The following PHF2 variants were observed in gnomAD, a reference collection of about 807,000 sequenced individuals.
PHF2 encodes the protein lysine-specific demethylase PHF2.
Under a neutral mutation model 120.5 loss-of-function variants are expected in PHF2, and 27 were observed. That is an observed-to-expected ratio of 0.22 (90% CI 0.17 to 0.31). The LOEUF (loss-of-function observed/expected upper bound fraction) is 0.31, where lower values mean the gene tolerates loss of function less well. PHF2 is among the 10% of genes least tolerant of loss of function. PHF2 has a pLI of 1.00. For synonymous variants in PHF2, 568 were observed against 592.5 expected, an observed-to-expected ratio of 0.96 and a Z score of 0.60; for missense variants, 1,024 against 1,434.8, an observed-to-expected ratio of 0.71 and a Z score of 4.63.
intron 1 of PHF2, among the ~76,000 whole-genome samples, chr9:93,625,468 CTTTTTTTT>C (rs905164226): frequency 3.2e-5 from 3 of 94,714 alleles, no homozygotes; most frequent in Non-Finnish European, 5.9e-5. Context: ...GTTTGAGTAC[CTTTTTTTT>C]TTTTTTTTTT....
chr9:93,649,682 C>T (rs1042248230), intron 5 of PHF2, among the ~76,000 whole-genome samples: 1 of 122,512 alleles, frequency 8.2e-6, no homozygotes, highest in African/African-American at 2.7e-5. Flanking sequence ...CTCGTGGACA[C>T]ACTCATGACA....
chr9:93,616,354 T>TA (rs1825729198), intron 1 of PHF2, among the ~76,000 whole-genome samples: 1 of 152,182 alleles, frequency 6.6e-6, no homozygotes, highest in South Asian at 2.1e-4. Flanking sequence ...TTTTGATACA[T>TA]ACAGCTGGGG....
At chr9:93,601,936 G>T (rs952084196) in intron 1 of PHF2, among the ~76,000 whole-genome samples, 1 of 151,252 alleles carries the variant, frequency 6.6e-6, no homozygotes, top group African/African-American at 2.4e-5. Context: ...GAGTGCGGGG[G>T]TGGTAGGGTG....
Position 93,677,713 on chromosome 9 carries a change from A to T in PHF2, c.*37A>T. The T allele has an allele frequency of 6.6e-7, 1 of 1,518,462 alleles. No individual in the cohort carries two copies. Among genetic ancestry groups the T allele is most frequent in the Middle Eastern group, 1.7e-4 (1 of 5,862 alleles). 94.1% of individuals were successfully genotyped at this position (1,518,462 alleles called of 1,614,324 possible). ...CCAGGATCCTTCTGCTCCGCTCAGG[A>T]CCCCCGGAGCCCCGCGAAAACATCT... On this transcript the variant is annotated 3_prime_UTR_variant, in exon 22 of 22. Transcript: ENST00000359246. The surrounding 1 kb of genome is among the most constrained non-coding windows in gnomAD (Gnocchi z 4.4).
At chr9:93,596,219 C>T (rs1030694924) in intron 1 of PHF2, among the ~76,000 whole-genome samples, 1 of 152,100 alleles carries the variant, frequency 6.6e-6, no homozygotes, top group African/African-American at 2.4e-5. Context: ...TTCCCTGTTT[C>T]TATTGGGACC....
At chr9:93,600,641 A>T (rs1412049) in intron 1 of PHF2, among the ~76,000 whole-genome samples, 47,172 of 152,122 alleles carry the variant, frequency 0.31, 8,285 homozygotes, top group Non-Finnish European at 0.4. Context: ...AGGTTGTGGG[A>T]TGGTGGCCCT....
intron 1 of PHF2, among the ~76,000 whole-genome samples, chr9:93,628,417 T>C (rs1323913541): frequency 1.3e-5 from 2 of 152,240 alleles, no homozygotes; most frequent in African/African-American, 4.8e-5. Flanking sequence ...TTGTTACAGG[T>C]CTGTTCAAAT....
intron 5 of PHF2, 32 bp downstream of exon 5, chr9:93,649,244 TGGGGTTGGGGCA>T: frequency 1.2e-6 from 1 of 803,162 alleles, no homozygotes; most frequent in Non-Finnish European, 1.9e-6. Flanking sequence ...GTGTGGGGGC[TGGGGTTGGGGCA>T]GGGGCGCTGT....
At chr9:93,597,016 T>C (rs1825347840) in intron 1 of PHF2, among the ~76,000 whole-genome samples, 2 of 148,160 alleles carry the variant, frequency 1.3e-5, no homozygotes, top group African/African-American at 5.0e-5. Context: ...CTGCCAGCTC[T>C]GCCTCCCCAG....
chr9:93,649,674 C>T (rs12235863), intron 5 of PHF2, among the ~76,000 whole-genome samples: 2,989 of 127,602 alleles, frequency 0.023, 67 homozygotes, highest in East Asian at 0.12. Flanking sequence ...GACACCCACT[C>T]GTGGACACAC....
intron 1 of PHF2, among the ~76,000 whole-genome samples, chr9:93,603,156 C>T (rs778990703): frequency 1.1e-4 from 17 of 152,072 alleles, no homozygotes; most frequent in African/African-American, 3.4e-4. Context: ...GTGTTGGTGC[C>T]GAGGGCTGGG....
At position 93,677,593 on chromosome 9, in the gene PHF2, C is replaced by G; in HGVS notation, c.3208C>G (p.Arg1070Gly). Residue 1070 changes from arginine to glycine, a missense_variant, in exon 22 of 22, where the codon CGT becomes GGT. Physicochemically the swap from Arg to Gly is moderately radical, Grantham distance 125. Around this residue, in one of 2 missense-constraint regions of PHF2, gnomAD observed 677 missense variants for 857.4 expected, o/e 0.79. Transcript: ENST00000359246. This position sits in a 1 kb window ranked among gnomAD's most constrained non-coding sequence, Gnocchi z 4.4. ...PNNNTAAKGKRTKKGMATAKQ... is the reference protein window; with the variant it reads ...PNNNTAAKGKGTKKGMATAKQ... Reference sequence around the variant, plus strand: ...CCCCTCCCCGACTCCCCTAGGAAAACGTACGAAAAAGGGCATGGCGACCGC... The same window carrying G: ...CCCCTCCCCGACTCCCCTAGGAAAAGGTACGAAAAAGGGCATGGCGACCGC... The G allele has an allele frequency of 6.2e-7, 1 of 1,613,406 alleles. No homozygotes were observed. The highest frequency in any genetic ancestry group is 8.5e-7 in the Non-Finnish European group (1 of 1,179,732).
At chr9:93,673,162 G>A (rs1826841399) in intron 17 of PHF2, among the ~76,000 whole-genome samples, 1 of 151,924 alleles carries the variant, frequency 6.6e-6, no homozygotes, top group South Asian at 2.1e-4. Flanking sequence ...TAGTTCTGTA[G>A]TTGGGAGAGA....
At chr9:93,645,111 CT>C (rs1463006862) in intron 3 of PHF2, among the ~76,000 whole-genome samples, 1 of 152,242 alleles carries the variant, frequency 6.6e-6, no homozygotes, top group African/African-American at 2.4e-5. Context: ...GTTTTCACCC[CT>C]GTCCTCTCCA....
At chr9:93,577,808 C>T (rs923967251) in intron 1 of PHF2, among the ~76,000 whole-genome samples, 1 of 152,202 alleles carries the variant, frequency 6.6e-6, no homozygotes. Context: ...AGGTCCCTTC[C>T]CACCAAGAAG....
chr9:93,663,444 A>T, intron 13 of PHF2, 73 bp from the exon 14 acceptor site: 2 of 905,506 alleles, frequency 2.2e-6, no homozygotes, highest in South Asian at 3.1e-5. Context: ...GCCTCTTCTC[A>T]CTGACACTAA....
At chr9:93,653,435 C>T in intron 6 of PHF2, 70 bp downstream of exon 6, 3 of 1,492,652 alleles carry the variant, frequency 2.0e-6, no homozygotes, top group African/African-American at 1.4e-5. Flanking sequence ...TGTCTGCAGT[C>T]CCCACAAGCC....
At chr9:93,649,011 G>C (rs1826310063) in intron 4 of PHF2, 60 bp from the exon 5 acceptor site, 1 of 1,541,636 alleles carries the variant, frequency 6.5e-7, no homozygotes, top group South Asian at 1.2e-5. Context: ...ACACGTCCTG[G>C]CCTCAGGGAG....
intron 1 of PHF2, among the ~76,000 whole-genome samples, chr9:93,628,531 T>G (rs1825948808): frequency 1.3e-5 from 2 of 152,236 alleles, no homozygotes. Context: ...TTTCATAGTA[T>G]TCTGTTATAA....
Sources: allele counts gnomAD v4.1 joint callset (sites outside exome capture counted in the v4.1 genomes callset), GRCh38; gene constraint gnomAD v4.1.1; regional missense constraint gnomAD v4.1.1; non-coding constraint Gnocchi (gnomAD v3.1); transcripts MANE v1.5; gene names NCBI Gene and HGNC (gene_info 2026-07-23, HGNC 2026-07-21).